TDRD3: variants seen among roughly 807,000 people sequenced by gnomAD.
TDRD3 encodes tudor domain containing 3, also known as tudor domain-containing protein 3.
TDRD3 carries 45 observed loss-of-function variants against 86.7 expected under a neutral mutation model. The ratio of observed to expected loss-of-function variants is 0.52; its 90% confidence interval spans 0.41 to 0.67. The LOEUF is 0.67. Ranked by LOEUF, TDRD3 falls within the 30% of genes least tolerant of loss-of-function variation. The pLI is 0.00. For synonymous variants in TDRD3, 298 were observed against 301.7 expected (o/e 0.99, Z 0.13); for missense variants, 814 against 889.0 (o/e 0.92, Z 1.07).
intron 1 of TDRD3, among the ~76,000 whole-genome samples, chr13:60,405,725 G>C (rs971275077): frequency 6.6e-6 from 1 of 152,168 alleles, no homozygotes; most frequent in African/African-American, 2.4e-5. Context: ...GCCATGTTAG[G>C]ATTTATTTTT....
chr13:60,540,723 T>C (rs951037967), intron 12 of TDRD3, among the ~76,000 whole-genome samples: 5 of 152,170 alleles, frequency 3.3e-5, no homozygotes, highest in African/African-American at 1.2e-4. Context: ...CAAAGTATTG[T>C]TTGAATTCTA....
At chr13:60,457,760 A>C (rs1446382381) in intron 3 of TDRD3, among the ~76,000 whole-genome samples, 3 of 152,190 alleles carry the variant, frequency 2.0e-5, no homozygotes, top group Admixed American at 6.5e-5. Context: ...TATCAGTTTC[A>C]TGCTTCTCAC....
intron 3 of TDRD3, among the ~76,000 whole-genome samples, chr13:60,450,758 T>A (rs1955518293): frequency 6.6e-6 from 1 of 152,186 alleles, no homozygotes; most frequent in South Asian, 2.1e-4. Context: ...ACCAGCCGTG[T>A]CAATGTAGTG....
chr13:60,458,352 G>A (rs771094106), intron 3 of TDRD3, among the ~76,000 whole-genome samples: 4 of 152,144 alleles, frequency 2.6e-5, no homozygotes, highest in Non-Finnish European at 4.4e-5. Flanking sequence ...CCATTTAACT[G>A]TACAAAGAAA....
intron 1 of TDRD3, among the ~76,000 whole-genome samples, chr13:60,419,901 G>A: frequency 6.6e-6 from 1 of 151,880 alleles, no homozygotes; most frequent in Non-Finnish European, 1.5e-5. Flanking sequence ...GGTGGTGTGA[G>A]CAGGAATTTT....
chr13:60,503,050 C>T (rs141769328), intron 8 of TDRD3, among the ~76,000 whole-genome samples: 5 of 152,250 alleles, frequency 3.3e-5, no homozygotes, highest in East Asian at 1.9e-4. Flanking sequence ...GGCTGTAAAT[C>T]GTTCAAAATA....
At position 60,439,266 on chromosome 13, in the gene TDRD3, A is replaced by G. The variant is rs927468851; in HGVS notation, c.42-422A>G. ...GAAGATAATGTGAGAAAGTCCAGAG[A>G]GAAGTTCTGCTGTACTCAGTTTAAA... On this transcript the variant is annotated intron_variant, in intron 1 of 13. Transcript: ENST00000377881. Among the ~76,000 whole-genome samples the G allele has an allele frequency of 2.0e-5, 3 of 152,294 alleles. No individual in the cohort carries two copies. The South Asian group carries it at 6.2e-4, about 32-fold the overall frequency.
intron 8 of TDRD3, among the ~76,000 whole-genome samples, chr13:60,509,177 A>C (rs1044028842): frequency 1.3e-5 from 2 of 152,092 alleles, no homozygotes; most frequent in African/African-American, 4.8e-5. Flanking sequence ...CTTGAATTCT[A>C]TTCAGGTCTA....
chr13:60,559,397 T>TA (rs1415170908), intron 12 of TDRD3, among the ~76,000 whole-genome samples: 1 of 152,168 alleles, frequency 6.6e-6, no homozygotes, highest in African/African-American at 2.4e-5. Context: ...GGAACAGAAA[T>TA]ATGTTCCCTA....
intron 8 of TDRD3, among the ~76,000 whole-genome samples, chr13:60,505,610 A>C (rs1244953918): frequency 6.6e-6 from 1 of 152,188 alleles, no homozygotes; most frequent in Non-Finnish European, 1.5e-5. Flanking sequence ...TTCTAACCCA[A>C]TGCAAGGAAG....
chr13:60,541,024 TA>T (rs1340731895), intron 12 of TDRD3, among the ~76,000 whole-genome samples: 2 of 152,206 alleles, frequency 1.3e-5, no homozygotes, highest in Non-Finnish European at 2.9e-5. Context: ...ATTTAACTAT[TA>T]CTAAGTGGAC....
At chr13:60,555,056 G>T (rs1353896529) in intron 12 of TDRD3, among the ~76,000 whole-genome samples, 1 of 152,016 alleles carries the variant, frequency 6.6e-6, no homozygotes, top group Non-Finnish European at 1.5e-5. Context: ...TATTGTTCTT[G>T]TAGAAAATCT....
intron 12 of TDRD3, chr13:60,537,218 G>A (rs936556161): frequency 4.6e-5 from 7 of 151,916 alleles, no homozygotes; most frequent in Admixed American, 3.3e-4. Context: ...GGTTGTTGAC[G>A]TTTTATGAAT....
At chr13:60,451,457 C>A (rs536620913) in intron 3 of TDRD3, among the ~76,000 whole-genome samples, 1 of 152,112 alleles carries the variant, frequency 6.6e-6, no homozygotes, top group African/African-American at 2.4e-5. Context: ...AGTTCATTGT[C>A]GGCATCTTTT....
intron 1 of TDRD3, among the ~76,000 whole-genome samples, chr13:60,433,693 G>A (rs925198183): frequency 6.6e-6 from 1 of 152,214 alleles, no homozygotes; most frequent in Admixed American, 6.5e-5. Context: ...TGTTTGGCTT[G>A]TACACTGCTT....
rs563341114 is a variant in TDRD3 at position 60,459,473 on chromosome 13, G to T, written c.193-907G>T. Among the ~76,000 whole-genome samples, 6 of 152,302 alleles carry T rather than the reference G, an allele frequency of 3.9e-5. No individual in the cohort carries two copies. In the South Asian group the frequency reaches 1.2e-3, roughly 32 times the overall value. On this transcript the variant is annotated intron_variant, in intron 3 of 13. Coordinates refer to ENST00000377881, the MANE Select transcript of TDRD3 (RefSeq NM_001146070.2). ...ATACAGCATTAGATTTAATATCGAAGTTAAAGTTTTTATTTTAAAAAGGAA... is the reference window on the plus strand; with the variant it reads ...ATACAGCATTAGATTTAATATCGAATTTAAAGTTTTTATTTTAAAAAGGAA...
At chr13:60,463,362 C>CAA (rs57195209) in intron 4 of TDRD3, among the ~76,000 whole-genome samples, 10,964 of 81,250 alleles carry the variant, frequency 0.13, 782 homozygotes, top group Admixed American at 0.17. Context: ...AATTCTGGCT[C>CAA]AAAAAAAAAA....
intron 3 of TDRD3, among the ~76,000 whole-genome samples, chr13:60,448,963 G>T (rs1278917369): frequency 6.6e-6 from 1 of 152,050 alleles, no homozygotes; most frequent in Non-Finnish European, 1.5e-5. Flanking sequence ...TTTGAGTTCT[G>T]TGTTTATTTT....
chr13:60,517,402 T>C (rs1055448736), intron 10 of TDRD3, among the ~76,000 whole-genome samples: 3 of 152,218 alleles, frequency 2.0e-5, no homozygotes, highest in African/African-American at 4.8e-5. Context: ...GAATCATCTA[T>C]GTATTGACTA....
Sources: gnomAD v4.1 joint callset for allele counts (sites outside exome capture counted in the v4.1 genomes callset) on GRCh38, gnomAD v4.1.1 for gene constraint, MANE v1.5 for transcripts, NCBI Gene and HGNC (gene_info 2026-07-23, HGNC 2026-07-21) for gene names.